Variants in DOCK2 observed in about 807,000 individuals in gnomAD.
DOCK2 encodes dedicator of cytokinesis 2, also known as dedicator of cytokinesis protein 2.
DOCK2 carries 87 observed loss-of-function variants against 248.9 expected under a neutral mutation model. The ratio of observed to expected loss-of-function variants is 0.35; its 90% CI spans 0.29 to 0.42. The LOEUF (loss-of-function observed/expected upper bound fraction) is 0.42, where lower values mean the gene tolerates loss of function less well. Ranked by LOEUF, DOCK2 falls within the 10% of genes least tolerant of loss-of-function variation. DOCK2 has a pLI of 1.00. For synonymous variants in DOCK2, 805 were observed against 821.6 expected, an observed-to-expected ratio of 0.98 and a Z score of 0.35; for missense variants, 1,747 against 2,300.2, an observed-to-expected ratio of 0.76 and a Z score of 4.92.
chr5:169,704,366 C>G (rs1391745717), intron 14 of DOCK2, among the ~76,000 whole-genome samples: 2 of 152,190 alleles, frequency 1.3e-5, no homozygotes, highest in African/African-American at 2.4e-5. Flanking sequence ...TGCATGCACA[C>G]TGTCTTTGGC....
At chr5:169,956,188 T>C (rs1424575060) in intron 27 of DOCK2, among the ~76,000 whole-genome samples, 2 of 152,238 alleles carry the variant, frequency 1.3e-5, no homozygotes, top group Admixed American at 1.3e-4. Flanking sequence ...AACTTGATGG[T>C]CTCTAAGATT....
intron 49 of DOCK2, 86 bp downstream of exon 49, chr5:170,079,232 T>C: frequency 6.6e-7 from 1 of 1,509,122 alleles, no homozygotes; most frequent in Non-Finnish European, 8.9e-7. Flanking sequence ...CTTCCAGATA[T>C]GGGCTTCCTG....
At chr5:169,846,659 C>T (rs564951431) in intron 27 of DOCK2, among the ~76,000 whole-genome samples, 15 of 151,004 alleles carry the variant, frequency 9.9e-5, no homozygotes, top group East Asian at 1.9e-4. Context: ...TATACACACA[C>T]ATATATATAT....
intron 24 of DOCK2, among the ~76,000 whole-genome samples, chr5:169,760,174 G>A (rs79080332): frequency 0.056 from 8,523 of 152,048 alleles, 403 homozygotes; most frequent in African/African-American, 0.13. Context: ...GCTCCCTTTT[G>A]CCTTCTACTT....
At chr5:169,680,663 G>A (rs1561593823) in intron 6 of DOCK2, among the ~76,000 whole-genome samples, 2 of 151,964 alleles carry the variant, frequency 1.3e-5, no homozygotes, top group African/African-American at 4.8e-5. Context: ...CAAGGCTGTG[G>A]GAAGCTATGA....
chr5:169,890,943 G>A (rs372910241), intron 27 of DOCK2, among the ~76,000 whole-genome samples: 55 of 152,024 alleles, frequency 3.6e-4, no homozygotes, highest in African/African-American at 1.3e-3. Flanking sequence ...ATCACATCAG[G>A]CCCCTCTTTG....
At chr5:169,994,746 T>C (rs932392373) in intron 29 of DOCK2, among the ~76,000 whole-genome samples, 5 of 151,998 alleles carry the variant, frequency 3.3e-5, no homozygotes, top group South Asian at 2.1e-4. Flanking sequence ...GAAAAGAAGG[T>C]TGGGGTCCCA....
chr5:169,810,838 C>A (rs1767693305), intron 26 of DOCK2, among the ~76,000 whole-genome samples: 1 of 152,070 alleles, frequency 6.6e-6, no homozygotes, highest in African/African-American at 2.4e-5. Flanking sequence ...TTTTATTGAA[C>A]AATTTCTTAC....
At chr5:169,957,734 T>C (rs1345731169) in intron 27 of DOCK2, among the ~76,000 whole-genome samples, 1 of 152,184 alleles carries the variant, frequency 6.6e-6, no homozygotes, top group Non-Finnish European at 1.5e-5. Context: ...GTGAAGTCCT[T>C]TGATTGTCTC....
chr5:170,058,974 A>G (rs900762497), intron 44 of DOCK2, among the ~76,000 whole-genome samples: 2 of 152,162 alleles, frequency 1.3e-5, no homozygotes, highest in African/African-American at 4.8e-5. Flanking sequence ...GTTCATATGC[A>G]TGATCTCATT....
At chr5:169,875,736 C>T (rs1203793666) in intron 27 of DOCK2, 1 of 157,120 alleles carries the variant, frequency 6.4e-6, no homozygotes, top group East Asian at 1.8e-4. Flanking sequence ...TTCAAGTGAT[C>T]AGTAAATAAT....
chr5:169,995,594 G>T (rs980766278), intron 29 of DOCK2, among the ~76,000 whole-genome samples: 18 of 152,162 alleles, frequency 1.2e-4, no homozygotes, highest in Admixed American at 3.9e-4. Flanking sequence ...GAGTAAAAAC[G>T]ACAGGCTGTG....
rs1175666304 is a variant in DOCK2, at chr5:170,050,353, C to T, written c.4169C>T (p.Thr1390Ile). The T allele has an allele frequency of 1.2e-6, 2 of 1,614,186 alleles. No homozygotes were observed. Among genetic ancestry groups the T allele is most frequent in the Non-Finnish European group, 1.7e-6 (2 of 1,180,022 alleles). Residue 1390 changes from threonine to isoleucine, a missense_variant, in exon 41 of 52, where the codon ACC becomes ATC. Physicochemically the swap from Thr to Ile is moderately conservative, Grantham distance 89. Around this residue, in one of 4 missense-constraint regions of DOCK2, gnomAD observed 513 missense variants for 586.1 expected, o/e 0.88. Transcript: ENST00000520908. ...TQFPNAEKMN[T>I]TSAPGDDVKN... ...TTCCCCAATGCAGAGAAGATGAACA[C>T]CACCTCTGCCCCGGGAGATGATGTG... is the stretch of plus-strand genomic sequence containing the variant.
chr5:169,988,810 G>A (rs1778136904), intron 29 of DOCK2, among the ~76,000 whole-genome samples: 1 of 152,180 alleles, frequency 6.6e-6, no homozygotes, highest in Non-Finnish European at 1.5e-5. Flanking sequence ...TTTGCCCAGA[G>A]AGGTGAAATG....
At chr5:169,729,130 A>G (rs1444425504) in intron 22 of DOCK2, among the ~76,000 whole-genome samples, 2 of 152,222 alleles carry the variant, frequency 1.3e-5, no homozygotes, top group Admixed American at 6.5e-5. Flanking sequence ...ATAAACGTGT[A>G]GATTTAGAAA....
At chr5:170,018,778 A>G (rs17738455) in intron 32 of DOCK2, among the ~76,000 whole-genome samples, 182 bp from the exon 33 acceptor site, 18,519 of 152,242 alleles carry the variant, frequency 0.12, 1,401 homozygotes, top group Admixed American at 0.21. Flanking sequence ...CATGCGCTCT[A>G]ACGGGAGTTA....
intron 27 of DOCK2, among the ~76,000 whole-genome samples, chr5:169,895,557 C>G (rs75345097): frequency 0.069 from 10,423 of 152,132 alleles, 397 homozygotes; most frequent in Non-Finnish European, 0.088. Context: ...TAGGATCACA[C>G]TCCCTAAAGC....
intron 8 of DOCK2, among the ~76,000 whole-genome samples, chr5:169,687,762 G>A (rs1760071580): frequency 6.6e-6 from 1 of 152,102 alleles, no homozygotes; most frequent in Non-Finnish European, 1.5e-5. Flanking sequence ...AGATGGCAAA[G>A]GATCGTACGT....
chr5:170,080,126 T>TGG, intron 49 of DOCK2, 37 bp from the exon 50 acceptor site: 1 of 1,512,058 alleles, frequency 6.6e-7, no homozygotes, highest in Non-Finnish European at 9.0e-7. Flanking sequence ...GCCTCTGTCT[T>TGG]TGTGTGTGTG....
Sources: allele counts gnomAD v4.1 joint callset (sites outside exome capture counted in the v4.1 genomes callset), GRCh38; gene constraint gnomAD v4.1.1; regional missense constraint gnomAD v4.1.1; transcripts MANE v1.5; gene names NCBI Gene and HGNC (gene_info 2026-07-23, HGNC 2026-07-21).